The following LRRC4C variants were observed in gnomAD, a reference collection of about 807,000 sequenced individuals.
The protein encoded by LRRC4C is leucine rich repeat containing 4C, also known as leucine-rich repeat-containing protein 4C.
Under a neutral mutation model 33.6 loss-of-function variants are expected in LRRC4C, and 5 were observed. That is an observed-to-expected ratio of 0.15 (90% confidence interval 0.08 to 0.31). The LOEUF is 0.31. Among genes scored for constraint, LRRC4C ranks in the 10% least tolerant of loss-of-function variants. The pLI is 1.00. For synonymous variants in LRRC4C, 329 were observed against 302.0 expected (o/e 1.09, Z -0.93); for missense variants, 560 against 796.7 (o/e 0.70, Z 3.58).
chr11:40,710,464 T>G (rs1324957977), intron 2 of LRRC4C, among the ~76,000 whole-genome samples: 1 of 151,650 alleles, frequency 6.6e-6, no homozygotes, highest in East Asian at 1.9e-4. Flanking sequence ...GCTGCAGGTC[T>G]GTCGGAGTTT....
At chr11:41,196,613 T>C (rs140373503) in intron 1 of LRRC4C, among the ~76,000 whole-genome samples, 35 of 152,170 alleles carry the variant, frequency 2.3e-4, no homozygotes, top group Admixed American at 8.5e-4. Flanking sequence ...AATAAATGAA[T>C]GTATACATAA....
chr11:40,285,203 G>A (rs1943753773), intron 4 of LRRC4C, among the ~76,000 whole-genome samples: 1 of 152,130 alleles, frequency 6.6e-6, no homozygotes, highest in Non-Finnish European at 1.5e-5. Context: ...CCCAGCTTAT[G>A]TCTTTCAGGA....
intron 4 of LRRC4C, chr11:40,241,864 A>G (rs1865946040): frequency 6.6e-6 from 1 of 152,234 alleles, no homozygotes; most frequent in African/African-American, 2.4e-5. Context: ...GGCTGTTGGC[A>G]TGCTCTTTGC....
intron 1 of LRRC4C, among the ~76,000 whole-genome samples, chr11:41,346,807 T>C (rs1210700714): frequency 2.0e-5 from 3 of 152,196 alleles, no homozygotes; most frequent in Admixed American, 6.5e-5. Flanking sequence ...CTTATACTGA[T>C]TGACAACTAA....
In LRRC4C at chr11:40,744,007, C is replaced by T. The variant is rs145400934; in HGVS notation, c.-406-95729G>A. Among the ~76,000 whole-genome samples, 139 of 152,192 alleles carry T rather than the reference C, an allele frequency of 9.1e-4. No homozygotes were observed. The Middle Eastern group carries it at 0.01, about 11-fold the overall frequency. The stretch of plus-strand genomic sequence containing the variant: ...TTTTCTCAGGAAAGCCTGCACTAAC[C>T]CCAAATCTCTGCCAACGAATTTACC... On this transcript the variant is annotated intron_variant, in intron 2 of 6. Transcript: ENST00000528697.
chr11:40,505,775 G>C (rs902233717), intron 3 of LRRC4C, among the ~76,000 whole-genome samples: 1 of 152,064 alleles, frequency 6.6e-6, no homozygotes, highest in Non-Finnish European at 1.5e-5. Context: ...AGAGGAAATG[G>C]GAGCTCGAAG....
At chr11:41,384,651 G>A (rs1953285638) in intron 1 of LRRC4C, among the ~76,000 whole-genome samples, 1 of 151,190 alleles carries the variant, frequency 6.6e-6, no homozygotes, top group African/African-American at 2.4e-5. Context: ...TGTGTACTCT[G>A]AAGACCTACT....
chr11:40,464,367 T>A (rs1215259884), intron 3 of LRRC4C, among the ~76,000 whole-genome samples: 1 of 151,872 alleles, frequency 6.6e-6, no homozygotes, highest in Non-Finnish European at 1.5e-5. Context: ...CCAGCCAACA[T>A]CATACTGCAT....
At chr11:40,152,471 G>A (rs1007675660) in intron 5 of LRRC4C, among the ~76,000 whole-genome samples, 8 of 152,220 alleles carry the variant, frequency 5.3e-5, no homozygotes, top group African/African-American at 1.4e-4. Flanking sequence ...GCACAAATTC[G>A]GCATGCAGAC....
chr11:41,040,667 C>G (rs1857377641), intron 1 of LRRC4C, among the ~76,000 whole-genome samples: 1 of 152,188 alleles, frequency 6.6e-6, no homozygotes, highest in South Asian at 2.1e-4. Flanking sequence ...GACTTCTCAA[C>G]CTGAAACTAA....
intron 1 of LRRC4C, among the ~76,000 whole-genome samples, chr11:40,996,982 T>C (rs1854024537): frequency 6.6e-6 from 1 of 152,114 alleles, no homozygotes; most frequent in South Asian, 2.1e-4. Flanking sequence ...ATATCCAAAC[T>C]ATATCACCCC....
Position 40,749,321 on chromosome 11 carries a change from G to T in LRRC4C, c.-406-101043C>A, listed in dbSNP as rs907794581. Among the ~76,000 whole-genome samples, 8 of 151,742 alleles carry T rather than the reference G, an allele frequency of 5.3e-5. No homozygotes were observed. The South Asian group carries it at 1.7e-3, about 31-fold the overall frequency. The stretch of plus-strand genomic sequence containing the variant: ...TGAGATTAATACCAAGAGGCATTTT[G>T]GAAATGATACAAATACATAGAAATT... On this transcript the variant is annotated intron_variant, in intron 2 of 6. Coordinates refer to ENST00000528697, the MANE Select transcript of LRRC4C (RefSeq NM_001258419.2).
intron 3 of LRRC4C, among the ~76,000 whole-genome samples, chr11:40,370,407 G>T (rs889834712): frequency 6.6e-6 from 1 of 152,306 alleles, no homozygotes; most frequent in South Asian, 2.1e-4. Context: ...ATGTTATTTT[G>T]AGCAAGTTTT....
At chr11:40,390,353 G>A (rs1170776487) in intron 3 of LRRC4C, among the ~76,000 whole-genome samples, 1 of 152,122 alleles carries the variant, frequency 6.6e-6, no homozygotes, top group Non-Finnish European at 1.5e-5. Context: ...ATAGACTTCT[G>A]ATCTGTTGAT....
At chr11:40,220,117 T>C (rs967636212) in intron 5 of LRRC4C, among the ~76,000 whole-genome samples, 12 of 152,206 alleles carry the variant, frequency 7.9e-5, no homozygotes, top group Admixed American at 7.2e-4. Flanking sequence ...CTCAGTTGTA[T>C]TTCACCAGGC....
intron 1 of LRRC4C, among the ~76,000 whole-genome samples, chr11:41,240,680 A>G (rs991615935): frequency 6.6e-6 from 1 of 152,174 alleles, no homozygotes; most frequent in African/African-American, 2.4e-5. Flanking sequence ...AAGGACCTAC[A>G]TGGGGATGAC....
chr11:41,321,522 C>T (rs1433419368), intron 1 of LRRC4C, among the ~76,000 whole-genome samples: 1 of 152,150 alleles, frequency 6.6e-6, no homozygotes, highest in Non-Finnish European at 1.5e-5. Flanking sequence ...TCTCTCAAAT[C>T]TGCAATCTTC....
intron 1 of LRRC4C, among the ~76,000 whole-genome samples, chr11:40,993,585 G>A (rs1853746357): frequency 6.6e-6 from 1 of 152,116 alleles, no homozygotes; most frequent in Admixed American, 6.6e-5. Context: ...TGGCAGAGGA[G>A]ACACAGTTAA....
chr11:40,692,651 AG>A (rs1489639736), intron 2 of LRRC4C, among the ~76,000 whole-genome samples: 1 of 152,050 alleles, frequency 6.6e-6, no homozygotes, highest in African/African-American at 2.4e-5. Context: ...GATGTTGATT[AG>A]GTCTTAGGAA....
Sources: allele counts gnomAD v4.1 joint callset (sites outside exome capture counted in the v4.1 genomes callset), GRCh38; gene constraint gnomAD v4.1.1; transcripts MANE v1.5; gene names NCBI Gene and HGNC (gene_info 2026-07-23, HGNC 2026-07-21).